The following CTNNA3 variants were observed in gnomAD, a reference collection of about 807,000 sequenced individuals.
The protein encoded by CTNNA3 is catenin alpha-3.
CTNNA3 carries 76 observed loss-of-function variants against 95.7 expected under a neutral mutation model. That is an observed-to-expected ratio of 0.79 (90% CI 0.66 to 0.96). The LOEUF is 0.96. Ranked by LOEUF, CTNNA3 falls within the 40% of genes least tolerant of loss-of-function variation. The probability of loss-of-function intolerance (pLI) is 0.00; values close to 1 mark genes in which losing one functional copy is unlikely to be tolerated. For missense variants in CTNNA3, 1,191 were observed against 1,089.8 expected (o/e 1.09, Z -1.31); for synonymous variants, 431 against 374.4 (o/e 1.15, Z -1.74).
chr10:67,004,538 T>C (rs1281943810), intron 7 of CTNNA3, among the ~76,000 whole-genome samples: 5 of 152,158 alleles, frequency 3.3e-5, no homozygotes, highest in Non-Finnish European at 5.9e-5. Context: ...AAACACAAGA[T>C]ATTTGTGGCT....
exon 1 of CTNNA3, among the ~76,000 whole-genome samples, chr10:67,763,526 G>A (rs1841473511): frequency 6.6e-6 from 1 of 152,176 alleles, no homozygotes; most frequent in African/African-American, 2.4e-5. Flanking sequence ...AGGGCAGTGG[G>A]GTTTCCATGA....
chr10:67,428,104 G>T (rs897922846), intron 5 of CTNNA3, among the ~76,000 whole-genome samples: 83 of 152,104 alleles, frequency 5.5e-4, no homozygotes, highest in African/African-American at 1.9e-3. Flanking sequence ...ATCCAAGTAA[G>T]AATTCAAAAC....
intron 13 of CTNNA3, among the ~76,000 whole-genome samples, chr10:66,249,924 G>A (rs2090484159): frequency 6.6e-6 from 1 of 152,120 alleles, no homozygotes; most frequent in Admixed American, 6.6e-5. Context: ...TGGAAATCAG[G>A]ATGTTAAAGT....
intron 5 of CTNNA3, among the ~76,000 whole-genome samples, chr10:67,450,940 C>A (rs1456147100): frequency 1.3e-5 from 2 of 151,792 alleles, no homozygotes; most frequent in Non-Finnish European, 2.9e-5. Flanking sequence ...AGACTTAGAA[C>A]CTGCTATGGT....
At chr10:67,285,210 A>T (rs1839550549) in intron 5 of CTNNA3, among the ~76,000 whole-genome samples, 1 of 152,212 alleles carries the variant, frequency 6.6e-6, no homozygotes, top group Non-Finnish European at 1.5e-5. Flanking sequence ...AAACATTAGA[A>T]ATTAGACATT....
intron 5 of CTNNA3, among the ~76,000 whole-genome samples, chr10:67,454,059 G>A (rs1359692433): frequency 2.0e-5 from 3 of 152,076 alleles, no homozygotes; most frequent in African/African-American, 7.2e-5. Context: ...TTGGATATGA[G>A]ATAATATCAT....
chr10:66,343,124 T>C (rs1004957919), intron 12 of CTNNA3, among the ~76,000 whole-genome samples: 1 of 152,004 alleles, frequency 6.6e-6, no homozygotes, highest in African/African-American at 2.4e-5. Context: ...AAGCTGTTGG[T>C]GGGAACGTAA....
intron 7 of CTNNA3, among the ~76,000 whole-genome samples, chr10:66,846,495 AC>A (rs1843283311): frequency 6.6e-6 from 1 of 151,738 alleles, no homozygotes; most frequent in Non-Finnish European, 1.5e-5. Flanking sequence ...ACACACACAC[AC>A]AAAATGAGGG....
intron 1 of CTNNA3, among the ~76,000 whole-genome samples, chr10:67,755,974 C>T (rs980061885): frequency 6.6e-6 from 1 of 152,004 alleles, no homozygotes; most frequent in Non-Finnish European, 1.5e-5. Flanking sequence ...TAAATATTAT[C>T]CAGCCATAAA....
intron 14 of CTNNA3, among the ~76,000 whole-genome samples, chr10:66,095,200 G>A (rs2081347124): frequency 6.6e-6 from 1 of 152,092 alleles, no homozygotes; most frequent in South Asian, 2.1e-4. Flanking sequence ...AGAAAAGTAG[G>A]AAGAGCTGGA....
chr10:67,729,304 C>G (rs1412873457), intron 1 of CTNNA3, among the ~76,000 whole-genome samples: 1 of 152,046 alleles, frequency 6.6e-6, no homozygotes, highest in African/African-American at 2.4e-5. Context: ...CAAATGGCAG[C>G]ATAATCAGCT....
chr10:66,517,168 C>T (rs1840890947), intron 11 of CTNNA3, among the ~76,000 whole-genome samples: 1 of 151,908 alleles, frequency 6.6e-6, no homozygotes, highest in Non-Finnish European at 1.5e-5. Flanking sequence ...TTGCAGTGAG[C>T]CAAGATTGCG....
chr10:66,351,556 C>T (rs1190763740), intron 12 of CTNNA3, among the ~76,000 whole-genome samples: 2 of 151,962 alleles, frequency 1.3e-5, no homozygotes, highest in African/African-American at 2.4e-5. Flanking sequence ...AATTTTACTG[C>T]AATCAAATGC....
intron 13 of CTNNA3, among the ~76,000 whole-genome samples, chr10:66,275,743 G>T (rs1251644120): frequency 1.3e-5 from 2 of 151,854 alleles, no homozygotes; most frequent in Non-Finnish European, 2.9e-5. Flanking sequence ...TTTCCCTTTA[G>T]CAGTTTGAGT....
At chr10:66,467,749 T>A (rs1177531114) in intron 11 of CTNNA3, among the ~76,000 whole-genome samples, 1 of 152,036 alleles carries the variant, frequency 6.6e-6, no homozygotes. Context: ...AAATCAGAAC[T>A]TAGATTGTCC....
rs570298076 is a variant in CTNNA3, at chr10:67,454,345, T to C, written c.579+67497A>G. Reference sequence around the variant, plus strand: ...TAAGTTCAATTCACAACTGAGCTTATGTTTCCTCTATATGATAAACATGCT... The same window carrying C: ...TAAGTTCAATTCACAACTGAGCTTACGTTTCCTCTATATGATAAACATGCT... On this transcript the variant is annotated intron_variant, in intron 5 of 17. Transcript: ENST00000433211. Among the ~76,000 whole-genome samples the C allele has an allele frequency of 5.3e-5, 8 of 152,290 alleles. No individual in the cohort carries two copies. In the South Asian group the frequency reaches 1.7e-3, roughly 32 times the overall value.
intron 13 of CTNNA3, among the ~76,000 whole-genome samples, chr10:66,256,728 A>T (rs1048446952): frequency 6.6e-6 from 1 of 151,982 alleles, no homozygotes; most frequent in Non-Finnish European, 1.5e-5. Context: ...TCTCAAAAAA[A>T]AAAAGCGTAA....
At chr10:67,366,436 T>G (rs1843221371) in intron 5 of CTNNA3, among the ~76,000 whole-genome samples, 1 of 151,168 alleles carries the variant, frequency 6.6e-6, no homozygotes, top group African/African-American at 2.4e-5. Context: ...AGGTCAGGAG[T>G]TCGAGGCCAG....
At chr10:67,689,182 G>A (rs1380742365) in intron 1 of CTNNA3, among the ~76,000 whole-genome samples, 26 of 152,170 alleles carry the variant, frequency 1.7e-4, no homozygotes, top group Non-Finnish European at 2.9e-5. Context: ...CTGAGAGAGG[G>A]AAAGGATCTC....
Sources: allele counts gnomAD v4.1 joint callset (sites outside exome capture counted in the v4.1 genomes callset), GRCh38; gene constraint gnomAD v4.1.1; transcripts MANE v1.5; gene names NCBI Gene and HGNC (gene_info 2026-07-23, HGNC 2026-07-21).